Variants in RNF212 observed in about 807,000 individuals in gnomAD.
RNF212 encodes the protein ring finger protein 212.
In RNF212, 33 loss-of-function variants were observed where a neutral mutation model predicts 34.7. That is an observed-to-expected ratio of 0.95 (90% confidence interval 0.72 to 1.27). The LOEUF (loss-of-function observed/expected upper bound fraction) is 1.27, where lower values mean the gene tolerates loss of function less well. Among genes scored for constraint, RNF212 ranks in the 50% most tolerant of loss-of-function variants. RNF212 has a pLI of 0.00. For missense variants in RNF212, 377 were observed against 362.2 expected (o/e 1.04, Z -0.33); for synonymous variants, 140 against 136.1 (o/e 1.03, Z -0.20).
intron 7 of RNF212, 149 bp downstream of exon 7, chr4:1,081,270 A>C (rs1244107947): frequency 6.9e-6 from 5 of 723,212 alleles, no homozygotes; most frequent in African/African-American, 5.2e-5. Context: ...AGGGAGATGA[A>C]ATAAGTACCA....
intron 3 of RNF212, among the ~76,000 whole-genome samples, chr4:1,063,041 G>C (rs1717850230): frequency 6.6e-6 from 1 of 152,172 alleles, no homozygotes; most frequent in African/African-American, 2.4e-5. Context: ...AAATACCGTT[G>C]AAAGAAATCA....
intron 3 of RNF212, among the ~76,000 whole-genome samples, chr4:1,058,829 G>A (rs1461351156): frequency 6.6e-6 from 1 of 152,132 alleles, no homozygotes; most frequent in Non-Finnish European, 1.5e-5. Context: ...GTGGGCATGC[G>A]GACTGTGCCT....
intron 7 of RNF212, among the ~76,000 whole-genome samples, chr4:1,081,216 T>C (rs1241887956): frequency 2.6e-5 from 4 of 152,158 alleles, no homozygotes; most frequent in African/African-American, 9.7e-5. Context: ...AGTGCTCTGA[T>C]TGGCCACCTG....
chr4:1,108,407 A>G lies in RNF212; in HGVS notation c.110-3T>C, dbSNP rs78238785. The stretch of plus-strand genomic sequence containing the variant: ...AATCAAGCATTCATTCTTTTTACCT[A>G]TAAAATAAAAATAGGCTTTATTATA... On this transcript the variant is annotated splice_region_variant and splice_polypyrimidine_tract_variant and intron_variant, in intron 1 of 9. Coordinates refer to ENST00000433731, the MANE Select transcript of RNF212 (RefSeq NM_001131034.4). 27,211 of 1,472,802 alleles carry G rather than the reference A, an allele frequency of 0.018. 1,675 individuals carry two copies. The Admixed American group carries it at 0.23, about 12-fold the overall frequency. The allele number at this position is 1,472,802 out of a possible 1,614,324, so 91.2% of individuals were successfully genotyped here. A position where few individuals can be genotyped will look rare whatever the true frequency, so the allele number is the denominator to read the frequency against.
chr4:1,058,993 G>GC (rs1270585268), intron 3 of RNF212, among the ~76,000 whole-genome samples: 1 of 152,224 alleles, frequency 6.6e-6, no homozygotes, highest in Non-Finnish European at 1.5e-5. Flanking sequence ...TTCTCCAGGC[G>GC]CCTTGTAACA....
rs1718654780 is a variant in RNF212, at chr4:1,072,855, A to G, written c.*19T>C. The G allele has an allele frequency of 6.4e-7, 1 of 1,560,464 alleles. No homozygotes were observed. The highest frequency in any genetic ancestry group is 1.7e-4 in the Middle Eastern group (1 of 5,970). ...AAATTGAAAACACTCAGAATCATTAATAGTCACATAAATGCAAATCAAAAT... is the reference window on the plus strand; with the variant it reads ...AAATTGAAAACACTCAGAATCATTAGTAGTCACATAAATGCAAATCAAAAT... On this transcript the variant is annotated 3_prime_UTR_variant, in exon 10 of 10. Coordinates refer to ENST00000433731, the MANE Select transcript of RNF212 (RefSeq NM_001131034.4).
intron 3 of RNF212, among the ~76,000 whole-genome samples, chr4:1,060,430 C>T (rs13108207): frequency 0.8 from 121,105 of 152,080 alleles, 48,704 homozygotes; most frequent in African/African-American, 0.89. Context: ...GAGGAAGGCC[C>T]GAAAGCCACC....
chr4:1,103,401 G>T (rs913108666), intron 2 of RNF212, among the ~76,000 whole-genome samples: 8 of 152,020 alleles, frequency 5.3e-5, no homozygotes, highest in African/African-American at 1.9e-4. Context: ...TATGAAACCA[G>T]AACAGACCTG....
At chr4:1,095,249 C>G (rs1251426647) in intron 3 of RNF212, among the ~76,000 whole-genome samples, 1 of 104,092 alleles carries the variant, frequency 9.6e-6, no homozygotes, top group Non-Finnish European at 1.8e-5. Context: ...GATAGCGCAC[C>G]TGGCTCATCA....
chr4:1,088,425 C>T (rs532434397), intron 4 of RNF212, among the ~76,000 whole-genome samples: 4 of 152,168 alleles, frequency 2.6e-5, no homozygotes, highest in Non-Finnish European at 5.9e-5. Context: ...TTTTCTGAAG[C>T]ATACAGTCAC....
chr4:1,104,297 CCCA>C (rs1724475714), intron 2 of RNF212, among the ~76,000 whole-genome samples: 1 of 152,206 alleles, frequency 6.6e-6, no homozygotes, highest in Non-Finnish European at 1.5e-5. Context: ...TCAGACAACC[CCCA>C]AATCTCAATG....
intron 3 of RNF212, among the ~76,000 whole-genome samples, chr4:1,063,745 A>C (rs953639513): frequency 1.3e-5 from 2 of 151,724 alleles, no homozygotes; most frequent in African/African-American, 2.4e-5. Flanking sequence ...GTGGTGGTGC[A>C]TGCCTACAGT....
At chr4:1,073,841 T>A in intron 8 of RNF212, 179 bp from the exon 9 acceptor site, 1 of 624,514 alleles carries the variant, frequency 1.6e-6, no homozygotes, top group Non-Finnish European at 2.9e-6. Flanking sequence ...TGCCTGCTGG[T>A]GGTAGAGGTG....
intron 2 of RNF212, among the ~76,000 whole-genome samples, chr4:1,102,943 C>T (rs528285284): frequency 6.6e-6 from 1 of 151,670 alleles, no homozygotes; most frequent in South Asian, 2.1e-4. Flanking sequence ...AGATCGAGAC[C>T]ATCCTGGCTA....
At chr4:1,103,803 G>A (rs547828501) in intron 2 of RNF212, among the ~76,000 whole-genome samples, 3 of 152,286 alleles carry the variant, frequency 2.0e-5, no homozygotes, top group East Asian at 3.9e-4. Context: ...CTGGAAGCTT[G>A]ACCCTGAAAT....
At chr4:1,105,265 G>A (rs951671838) in intron 2 of RNF212, among the ~76,000 whole-genome samples, 4 of 151,012 alleles carry the variant, frequency 2.6e-5, no homozygotes, top group African/African-American at 7.3e-5. Flanking sequence ...GATGCAGGGG[G>A]AGCACAGCTG....
chr4:1,094,428 A>T (rs1439633858), intron 3 of RNF212, among the ~76,000 whole-genome samples: 3 of 152,086 alleles, frequency 2.0e-5, no homozygotes, highest in Non-Finnish European at 4.4e-5. Flanking sequence ...CTTGGAGTGG[A>T]GGCGCGTGCT....
chr4:1,104,685 C>A (rs1724529538), intron 2 of RNF212, among the ~76,000 whole-genome samples: 1 of 152,188 alleles, frequency 6.6e-6, no homozygotes, highest in Admixed American at 6.5e-5. Context: ...GTCACTCCCC[C>A]AGAGTGGAGC....
At chr4:1,074,333 G>T (rs1289108652) in intron 8 of RNF212, among the ~76,000 whole-genome samples, 1 of 152,174 alleles carries the variant, frequency 6.6e-6, no homozygotes, top group African/African-American at 2.4e-5. Flanking sequence ...TCCACTCACT[G>T]CTGGCATCTC....
Sources: allele counts gnomAD v4.1 joint callset (sites outside exome capture counted in the v4.1 genomes callset), GRCh38; gene constraint gnomAD v4.1.1; transcripts MANE v1.5; gene names NCBI Gene and HGNC (gene_info 2026-07-23, HGNC 2026-07-21).